Variants in CDH13 observed in about 807,000 individuals in gnomAD.
CDH13 encodes the protein cadherin-13.
CDH13 carries 24 observed loss-of-function variants against 63.8 expected under a neutral mutation model. That is an observed-to-expected ratio of 0.38 (90% CI 0.27 to 0.53). CDH13 has a LOEUF of 0.53. Among genes scored for constraint, CDH13 ranks in the 20% least tolerant of loss-of-function variants. The pLI, the probability that CDH13 is intolerant of heterozygous loss-of-function variation, is 0.85. For synonymous variants in CDH13, 503 were observed against 355.3 expected, an observed-to-expected ratio of 1.42 and a Z score of -4.67; for missense variants, 1,049 against 903.1, an observed-to-expected ratio of 1.16 and a Z score of -2.07.
At chr16:83,020,108 G>A (rs991154813) in intron 2 of CDH13, among the ~76,000 whole-genome samples, 2 of 152,108 alleles carry the variant, frequency 1.3e-5, no homozygotes, top group Admixed American at 6.5e-5. Context: ...TCATATATGT[G>A]TTCCTCTGTA....
chr16:82,825,559 CCAAA>C (rs2038205267), intron 1 of CDH13: 1 of 144,226 alleles, frequency 6.9e-6, no homozygotes, highest in African/African-American at 2.6e-5. Context: ...TTTTTTTTTC[CCAAA>C]CAGAGTCTCC....
intron 11 of CDH13, among the ~76,000 whole-genome samples, chr16:83,754,509 C>A (rs28547504): frequency 2.6e-5 from 4 of 151,924 alleles, no homozygotes; most frequent in African/African-American, 7.3e-5. Context: ...TGTCCCCACC[C>A]AAATCTCATC....
At chr16:83,530,224 A>G (rs1452728613) in intron 7 of CDH13, among the ~76,000 whole-genome samples, 1 of 152,214 alleles carries the variant, frequency 6.6e-6, no homozygotes, top group Admixed American at 6.5e-5. Context: ...ATTAAAGCTT[A>G]AGTCAGTGAA....
At chr16:83,442,189 T>G (rs2072498207) in intron 6 of CDH13, among the ~76,000 whole-genome samples, 1 of 152,210 alleles carries the variant, frequency 6.6e-6, no homozygotes, top group African/African-American at 2.4e-5. Flanking sequence ...AGTGCCTTAA[T>G]GGGCACCTAT....
At chr16:82,656,409 G>A (rs1911301109) in intron 1 of CDH13, among the ~76,000 whole-genome samples, 1 of 152,212 alleles carries the variant, frequency 6.6e-6, no homozygotes, top group South Asian at 2.1e-4. Context: ...TAAAAAGCAA[G>A]TAAACCTTAT....
intron 6 of CDH13, among the ~76,000 whole-genome samples, chr16:83,460,956 G>C (rs1231063368): frequency 6.9e-6 from 1 of 145,786 alleles, no homozygotes; most frequent in Non-Finnish European, 1.5e-5. Context: ...CTCCAGCCTG[G>C]GTGACAGAAT....
intron 10 of CDH13, among the ~76,000 whole-genome samples, chr16:83,726,935 T>C (rs1022329210): frequency 2.6e-5 from 4 of 152,238 alleles, no homozygotes; most frequent in Admixed American, 2.6e-4. Context: ...GTGCCTTGTT[T>C]TGTTCTGTTT....
intron 5 of CDH13, among the ~76,000 whole-genome samples, chr16:83,342,689 C>A (rs1293283626): frequency 1.3e-5 from 2 of 152,052 alleles, no homozygotes; most frequent in Non-Finnish European, 2.9e-5. Flanking sequence ...CTGCCCTTCC[C>A]AGTTTCAGCA....
chr16:82,733,309 A>G (rs1337785304), intron 1 of CDH13, among the ~76,000 whole-genome samples: 2 of 152,180 alleles, frequency 1.3e-5, no homozygotes, highest in African/African-American at 2.4e-5. Flanking sequence ...ACACGGAGTG[A>G]GTTGTCCATA....
intron 10 of CDH13, among the ~76,000 whole-genome samples, chr16:83,728,662 G>A (rs536279864): frequency 3.0e-4 from 46 of 152,264 alleles, no homozygotes; most frequent in African/African-American, 1.1e-3. Context: ...AGGAAGGAAA[G>A]CACACAATTA....
At chr16:82,819,303 T>C (rs1377575673) in intron 1 of CDH13, among the ~76,000 whole-genome samples, 1 of 152,012 alleles carries the variant, frequency 6.6e-6, no homozygotes, top group East Asian at 1.9e-4. Flanking sequence ...ATAAAGGAGG[T>C]ATTGAACCTT....
rs938185312 is a variant in CDH13, at chr16:83,227,643, T to C, written c.636+10146T>C. Among the ~76,000 whole-genome samples, 4 of 152,162 alleles carry C rather than the reference T, an allele frequency of 2.6e-5. No homozygotes were observed. In the East Asian group the frequency reaches 5.8e-4, roughly 22 times the overall value. On this transcript the variant is annotated intron_variant, in intron 5 of 13. Coordinates refer to ENST00000567109, the MANE Select transcript of CDH13 (RefSeq NM_001257.5). ...CTGGATATGAAATACGGATAACCTG[T>C]GAGCAAAACCCCCAGGTAAAAAGCA...
intron 5 of CDH13, among the ~76,000 whole-genome samples, chr16:83,228,881 G>T (rs1262950938): frequency 1.3e-5 from 2 of 152,204 alleles, no homozygotes; most frequent in Non-Finnish European, 2.9e-5. Flanking sequence ...ACATGCAGGG[G>T]ATGAATGGGA....
chr16:83,736,357 G>T (rs1911537692), intron 10 of CDH13, among the ~76,000 whole-genome samples: 1 of 152,030 alleles, frequency 6.6e-6, no homozygotes, highest in Non-Finnish European at 1.5e-5. Context: ...ATATGTTAAG[G>T]TCCTAGTCTC....
intron 4 of CDH13, among the ~76,000 whole-genome samples, chr16:83,145,956 G>C (rs570744335): frequency 6.6e-6 from 1 of 152,114 alleles, no homozygotes; most frequent in Non-Finnish European, 1.5e-5. Context: ...AACTTTGGGA[G>C]GCCGAGGCGG....
chr16:82,909,359 A>C (rs768719079), intron 2 of CDH13, among the ~76,000 whole-genome samples: 2 of 151,834 alleles, frequency 1.3e-5, no homozygotes, highest in African/African-American at 2.4e-5. Context: ...GGTAAATAAA[A>C]TGTGTGCGTT....
intron 3 of CDH13, among the ~76,000 whole-genome samples, chr16:83,095,913 C>G (rs1488212324): frequency 6.6e-6 from 1 of 152,126 alleles, no homozygotes; most frequent in African/African-American, 2.4e-5. Context: ...CAGAGAAAGG[C>G]AATATTAATG....
intron 2 of CDH13, among the ~76,000 whole-genome samples, chr16:82,969,664 T>G (rs573149326): frequency 6.6e-6 from 1 of 152,242 alleles, no homozygotes; most frequent in South Asian, 2.1e-4. Context: ...TGGATACCAC[T>G]AGCAGCACTG....
intron 6 of CDH13, among the ~76,000 whole-genome samples, chr16:83,386,512 G>T (rs1409586524): frequency 6.6e-6 from 1 of 152,110 alleles, no homozygotes; most frequent in Non-Finnish European, 1.5e-5. Context: ...AAGAGGTGTT[G>T]GTTCAAAATA....
Sources: allele counts gnomAD v4.1 joint callset (sites outside exome capture counted in the v4.1 genomes callset), GRCh38; gene constraint gnomAD v4.1.1; transcripts MANE v1.5; gene names NCBI Gene and HGNC (gene_info 2026-07-23, HGNC 2026-07-21).